Variants in PDXDC1 observed in about 807,000 individuals in gnomAD.
PDXDC1 encodes the protein pyridoxal dependent decarboxylase domain containing 1.
A neutral mutation model predicts 100.1 loss-of-function variants in PDXDC1; 42 were observed. The observed-to-expected ratio is 0.42, with a 90% CI of 0.33 to 0.54. The LOEUF is 0.54. PDXDC1 is among the 20% of genes least tolerant of loss of function. The pLI is 0.10. For missense variants in PDXDC1, 636 were observed against 979.2 expected, an observed-to-expected ratio of 0.65 and a Z score of 4.68; for synonymous variants, 260 against 371.7, an observed-to-expected ratio of 0.70 and a Z score of 3.46.
chr16:15,033,307 C>T lies in PDXDC1; in HGVS notation c.1720C>T (p.Leu574Phe). The T allele has an allele frequency of 6.2e-7, 1 of 1,614,170 alleles. No individual in the cohort carries two copies. Among genetic ancestry groups the T allele is most frequent in the Non-Finnish European group, 8.5e-7 (1 of 1,180,020 alleles). The change falls in exon 19 of 23, where the codon CTT becomes TTT. Residue 574 changes from leucine to phenylalanine, a missense_variant. Physicochemically the swap from Leu to Phe is conservative, Grantham distance 22. Coordinates refer to ENST00000396410, the MANE Select transcript of PDXDC1 (RefSeq NM_015027.4). Reference protein sequence around the residue: ...GPEYKSMKSCLYVGMASDNVD... With the variant: ...GPEYKSMKSCFYVGMASDNVD... The stretch of plus-strand genomic sequence containing the variant: ...TGAGTATAAGAGCATGAAGAGCTGC[C>T]TTTATGTCGGCATGGCGAGCGACAA...
At chr16:15,085,141 G>C (rs2045867529) in intron 16 of PDXDC1, among the ~76,000 whole-genome samples, 1 of 152,094 alleles carries the variant, frequency 6.6e-6, no homozygotes, top group Non-Finnish European at 1.5e-5. Context: ...ATTTATCAGA[G>C]AAATAATAAT....
intron 1 of PDXDC1, chr16:14,976,908 G>C (rs1420842368): frequency 6.6e-6 from 1 of 152,314 alleles, no homozygotes; most frequent in Non-Finnish European, 1.5e-5. Context: ...TAAGAAGGTG[G>C]GTGGGCTTCA....
chr16:15,036,937 A>G lies in PDXDC1; in HGVS notation c.*662A>G, dbSNP rs1889227424. 1 of 152,712 alleles carries G rather than the reference A, an allele frequency of 6.5e-6. No individual in the cohort carries two copies. Among genetic ancestry groups the G allele is most frequent in the African/African-American group, 2.4e-5 (1 of 41,456 alleles). The allele number at this position is 152,712 out of a possible 1,614,324, so 9.5% of individuals were successfully genotyped here. ...TATACCGTTTGTAAAGAGAAACTGT[A>G]AAGTCTCCTCCTGACCATATATTTT... On this transcript the variant is annotated 3_prime_UTR_variant, in exon 23 of 23. Transcript: ENST00000396410.
At chr16:14,989,727 C>G in intron 1 of PDXDC1, 1 of 1,550,070 alleles carries the variant, frequency 6.5e-7, no homozygotes, top group Non-Finnish European at 8.6e-7. Flanking sequence ...CAGCCCCTCC[C>G]GCAGCAGCAG....
the PDXDC1 span, among the ~76,000 whole-genome samples, chr16:15,146,946 C>A: frequency 3.3e-5 from 5 of 152,054 alleles, no homozygotes; most frequent in Admixed American, 3.3e-4. Flanking sequence ...CAAGGTCACA[C>A]CAGAAGTGGA....
chr16:15,036,188 C>T lies in PDXDC1; in HGVS notation c.2280C>T (p.His760=), dbSNP rs2043438831. 6.2e-7 allele frequency: 1 copy of T among 1,614,144 alleles called. No homozygotes were observed. The highest frequency in any genetic ancestry group is 8.5e-7 in the Non-Finnish European group (1 of 1,180,010). The change falls in exon 23 of 23, where the codon CAC becomes CAT. Residue 760 remains histidine, a synonymous_variant. Transcript: ENST00000396410. ...EGHPGAPSPQ[H]TDQTEAFQKG... The stretch of plus-strand genomic sequence containing the variant: ...ACCCAGGGGCTCCCAGCCCTCAGCA[C>T]ACCGACCAGACCGAGGCCTTCCAGA...
intron 17 of PDXDC1, 178 bp from the exon 18 acceptor site, chr16:15,032,683 C>G: frequency 2.8e-6 from 1 of 355,144 alleles, no homozygotes; most frequent in Non-Finnish European, 5.0e-6. Context: ...TTTCCTGTGA[C>G]TTTCTCTTTA....
chr16:15,065,155 G>A, intron 16 of PDXDC1: 3 of 1,507,062 alleles, frequency 2.0e-6, no homozygotes, highest in Non-Finnish European at 2.7e-6. Flanking sequence ...GACAGAGTGA[G>A]ACTCCGTCTC....
At chr16:15,083,959 G>A (rs1290841910) in intron 16 of PDXDC1, among the ~76,000 whole-genome samples, 8 of 152,064 alleles carry the variant, frequency 5.3e-5, no homozygotes, top group Non-Finnish European at 7.4e-5. Flanking sequence ...CAGGTGATCC[G>A]CCCGCCTCGG....
chr16:15,080,039 C>G (rs1226563745), intron 16 of PDXDC1: 1 of 1,601,028 alleles, frequency 6.2e-7, no homozygotes, highest in Non-Finnish European at 8.5e-7. Context: ...TCCAGAATTT[C>G]ATGCCTCAAG....
At chr16:15,096,180 C>G (rs982082919) in intron 16 of PDXDC1, among the ~76,000 whole-genome samples, 1 of 151,926 alleles carries the variant, frequency 6.6e-6, no homozygotes, top group African/African-American at 2.4e-5. Flanking sequence ...ATGATCTTGG[C>G]TCACTGCATC....
intron 16 of PDXDC1, chr16:15,127,806 G>A (rs1324366029): frequency 6.4e-7 from 1 of 1,561,352 alleles, no homozygotes; most frequent in Non-Finnish European, 8.7e-7. Context: ...GAGGCGGCCG[G>A]TCCCATATGG....
chr16:15,057,572 G>C (rs1490302620), intron 16 of PDXDC1, among the ~76,000 whole-genome samples: 2 of 152,208 alleles, frequency 1.3e-5, no homozygotes, highest in East Asian at 3.9e-4. Flanking sequence ...GTGACATTAA[G>C]TAAGTCCCAA....
intron 22 of PDXDC1, 56 bp downstream of exon 22, chr16:15,035,609 C>T: frequency 9.9e-7 from 1 of 1,012,084 alleles, no homozygotes; most frequent in South Asian, 1.5e-5. Context: ...TTGACTGTTA[C>T]TTGCGTTTGT....
chr16:15,149,985 T>G, the PDXDC1 span, among the ~76,000 whole-genome samples: 2 of 151,560 alleles, frequency 1.3e-5, no homozygotes, highest in Non-Finnish European at 2.9e-5. Context: ...AAATCCAGGC[T>G]GCAGGAGCCA....
downstream of PDXDC1, among the ~76,000 whole-genome samples, chr16:15,143,087 C>T (rs1204321403): frequency 6.6e-6 from 1 of 152,108 alleles, no homozygotes; most frequent in African/African-American, 2.4e-5. Context: ...GAGAAGTACA[C>T]CCCCATGGGG....
chr16:15,074,968 G>C (rs2045389102), intron 16 of PDXDC1: 5 of 1,194,272 alleles, frequency 4.2e-6, no homozygotes, highest in Non-Finnish European at 5.7e-6. Context: ...AAAACAAAGA[G>C]GCTGGGGAAA....
chr16:15,036,449 G>A lies in PDXDC1; in HGVS notation c.*174G>A, dbSNP rs1597722558. ...GGCTTTCTAGGAGGGGAGTCAGCTT[G>A]TCTAACTTCATGTACATGTAGAACC... On this transcript the variant is annotated 3_prime_UTR_variant, in exon 23 of 23. Transcript: ENST00000396410. 16 of 607,862 alleles carry A rather than the reference G, an allele frequency of 2.6e-5. No individual in the cohort carries two copies. In the East Asian group the frequency reaches 4.4e-4, roughly 17 times the overall value. 37.7% of individuals were successfully genotyped at this position (607,862 alleles called of 1,614,324 possible).
chr16:15,125,717 G>A (rs779820692), intron 16 of PDXDC1: 6 of 1,422,102 alleles, frequency 4.2e-6, no homozygotes, highest in Non-Finnish European at 4.9e-6. Flanking sequence ...GAGAACGTGA[G>A]GAAGGAGCTG....
Sources: allele counts gnomAD v4.1 joint callset (sites outside exome capture counted in the v4.1 genomes callset), GRCh38; gene constraint gnomAD v4.1.1; transcripts MANE v1.5; gene names NCBI Gene and HGNC (gene_info 2026-07-23, HGNC 2026-07-21).